HOOK3: variants seen among roughly 807,000 people sequenced by gnomAD.
HOOK3 encodes the protein hook microtubule tethering protein 3, also known as protein Hook homolog 3.
Under a neutral mutation model 116.3 loss-of-function variants are expected in HOOK3, and 24 were observed. The observed-to-expected ratio is 0.21, with a 90% confidence interval of 0.15 to 0.29. The LOEUF (loss-of-function observed/expected upper bound fraction) is 0.29, where lower values mean the gene tolerates loss of function less well. Among genes scored for constraint, HOOK3 ranks in the 10% least tolerant of loss-of-function variants. The pLI is 1.00. For synonymous variants in HOOK3, 275 were observed against 283.0 expected (o/e 0.97, Z 0.28); for missense variants, 632 against 830.2 (o/e 0.76, Z 2.93).
At chr8:42,973,179 A>T in intron 11 of HOOK3, 110 bp from the exon 12 acceptor site, 1 of 1,204,630 alleles carries the variant, frequency 8.3e-7, no homozygotes, top group East Asian at 2.5e-5. Flanking sequence ...GATCATATGC[A>T]TTTGAGTACT....
At chr8:42,939,404 C>G (rs1808048958) in intron 4 of HOOK3, among the ~76,000 whole-genome samples, 1 of 148,492 alleles carries the variant, frequency 6.7e-6, no homozygotes, top group South Asian at 2.1e-4. Context: ...GGCTGACCCC[C>G]CTACCTCCCT....
intron 6 of HOOK3, among the ~76,000 whole-genome samples, chr8:42,953,533 C>A (rs928573302): frequency 6.6e-6 from 1 of 150,960 alleles, no homozygotes; most frequent in Non-Finnish European, 1.5e-5. Context: ...CACTGCACTC[C>A]AGCCTGGGTG....
At chr8:42,925,689 A>AT (rs34821062) in intron 3 of HOOK3, 60 bp downstream of exon 3, 139,005 of 1,102,774 alleles carry the variant, frequency 0.13, 7,905 homozygotes, top group Middle Eastern at 0.16. Context: ...ATATCTGTTG[A>AT]TTTTTTTTTG....
At chr8:42,983,171 A>G (rs1187401007) in intron 14 of HOOK3, among the ~76,000 whole-genome samples, 1 of 151,940 alleles carries the variant, frequency 6.6e-6, no homozygotes, top group Non-Finnish European at 1.5e-5. Context: ...TGTCTCTACA[A>G]AAAATACAAA....
chr8:42,903,497 A>G (rs1463125542), intron 1 of HOOK3, among the ~76,000 whole-genome samples: 1 of 150,608 alleles, frequency 6.6e-6, no homozygotes, highest in Non-Finnish European at 1.5e-5. Context: ...GGCGCCCGCC[A>G]CAGCGCCCGA....
chr8:43,027,371 T>G lies in HOOK3; in HGVS notation c.*8873T>G, dbSNP rs1809950716. On this transcript the variant is annotated 3_prime_UTR_variant, in exon 22 of 22. Coordinates refer to ENST00000307602, the MANE Select transcript of HOOK3 (RefSeq NM_032410.4). Reference sequence around the variant, plus strand: ...GTTACATAAATATGGACACAATTACTGCCAAAGAATAGAGAGATTTGCTTA... The same window carrying G: ...GTTACATAAATATGGACACAATTACGGCCAAAGAATAGAGAGATTTGCTTA... The G allele has an allele frequency of 2.5e-6, 1 of 394,900 alleles. No individual in the cohort carries two copies. The highest frequency in any genetic ancestry group is 2.1e-5 in the African/African-American group (1 of 47,492). The allele number at this position is 394,900 out of a possible 1,614,324, so 24.5% of individuals were successfully genotyped here.
At chr8:42,988,411 C>T (rs1049562272) in intron 15 of HOOK3, among the ~76,000 whole-genome samples, 2 of 152,188 alleles carry the variant, frequency 1.3e-5, no homozygotes, top group African/African-American at 4.8e-5. Flanking sequence ...TTTCTTCATA[C>T]TGCTTTGTGT....
chr8:42,998,904 C>G (rs569463504), intron 16 of HOOK3, among the ~76,000 whole-genome samples: 3 of 152,228 alleles, frequency 2.0e-5, no homozygotes, highest in African/African-American at 7.2e-5. Flanking sequence ...TATTATTAAG[C>G]CTAATTAAGT....
At chr8:42,974,391 A>G (rs1381510862) in intron 13 of HOOK3, among the ~76,000 whole-genome samples, 197 bp downstream of exon 13, 1 of 151,984 alleles carries the variant, frequency 6.6e-6, no homozygotes, top group African/African-American at 2.4e-5. Flanking sequence ...CAGCCACACC[A>G]CCACGCCCAG....
At chr8:42,989,433 T>C (rs141788564) in intron 15 of HOOK3, among the ~76,000 whole-genome samples, 1 of 152,352 alleles carries the variant, frequency 6.6e-6, no homozygotes, top group East Asian at 1.9e-4. Context: ...ATTATAATCC[T>C]CATTTATTTT....
At chr8:42,931,396 T>TGTC (rs1426279855) in intron 4 of HOOK3, among the ~76,000 whole-genome samples, 1 of 151,808 alleles carries the variant, frequency 6.6e-6, no homozygotes, top group African/African-American at 2.4e-5. Flanking sequence ...TTTATTTGGT[T>TGTC]GTCTCACCCC....
rs777110416 is a variant in HOOK3, at chr8:42,977,962, A to G, written c.1321+3768A>G. On this transcript the variant is annotated intron_variant, in intron 13 of 21. Transcript: ENST00000307602. ...TTTAAAAAGAAAACTGGTGTGTACT[A>G]TCATAAACATTGAATACCATCATAA... 1.4e-4 allele frequency among the ~76,000 whole-genome samples: 22 copies of G among 152,206 alleles called. 1 individual carries two copies. The highest frequency in any genetic ancestry group is 2.6e-4 in the Admixed American group (4 of 15,280).
At chr8:43,011,442 T>A (rs1412288841) in intron 19 of HOOK3, among the ~76,000 whole-genome samples, 1 of 150,846 alleles carries the variant, frequency 6.6e-6, no homozygotes, top group African/African-American at 2.5e-5. Flanking sequence ...CCCAAATAAG[T>A]AACAGCATGT....
intron 1 of HOOK3, among the ~76,000 whole-genome samples, chr8:42,898,608 C>T (rs1316463727): frequency 6.6e-6 from 1 of 152,152 alleles, no homozygotes; most frequent in Admixed American, 6.5e-5. Flanking sequence ...GTTTTTGAGA[C>T]TGTGCAAGTA....
In HOOK3 at chr8:42,898,017, A is replaced by G. The variant is rs1308004895; in HGVS notation, c.57+829A>G. On this transcript the variant is annotated intron_variant, in intron 1 of 21. Transcript: ENST00000307602. ...TCACTCATTGCTGAGAATGTTAATT[A>G]AATGTTTACGGATGTGTTTATGAAG... 2.0e-5 allele frequency among the ~76,000 whole-genome samples: 3 copies of G among 152,236 alleles called. No homozygotes were observed. The East Asian group carries it at 5.8e-4, about 29-fold the overall frequency.
chr8:42,904,486 T>C (rs1385690776), intron 1 of HOOK3, among the ~76,000 whole-genome samples: 1 of 152,030 alleles, frequency 6.6e-6, no homozygotes, highest in Non-Finnish European at 1.5e-5. Context: ...ATTTTTTGTA[T>C]TTTTAGTGAA....
At chr8:42,922,920 C>T (rs1368570150) in intron 2 of HOOK3, among the ~76,000 whole-genome samples, 1 of 151,694 alleles carries the variant, frequency 6.6e-6, no homozygotes, top group Admixed American at 6.6e-5. Flanking sequence ...GAAAACCAGC[C>T]TACAAAATGG....
intron 14 of HOOK3, among the ~76,000 whole-genome samples, chr8:42,985,577 T>A (rs1489017514): frequency 6.6e-6 from 1 of 152,134 alleles, no homozygotes; most frequent in African/African-American, 2.4e-5. Flanking sequence ...TTTTCATTTG[T>A]CTTCTTTTCC....
chr8:43,021,114 A>G lies in HOOK3; in HGVS notation c.*2616A>G, dbSNP rs1458832704. ...GAAACTCTGTCGCAAGAAAAAAAAA[A>G]AAAAAAAAAAAAAAAAAAACAGTCT... On this transcript the variant is annotated 3_prime_UTR_variant, in exon 22 of 22. Coordinates refer to ENST00000307602, the MANE Select transcript of HOOK3 (RefSeq NM_032410.4). The G allele has an allele frequency of 1.1e-5, 2 of 188,236 alleles. No homozygotes were observed. Among genetic ancestry groups the G allele is most frequent in the Admixed American group, 1.2e-4 (2 of 16,070 alleles). 11.7% of individuals were successfully genotyped at this position (188,236 alleles called of 1,614,324 possible).
Sources: gnomAD v4.1 joint callset for allele counts (sites outside exome capture counted in the v4.1 genomes callset) on GRCh38, gnomAD v4.1.1 for gene constraint, MANE v1.5 for transcripts, NCBI Gene and HGNC (gene_info 2026-07-23, HGNC 2026-07-21) for gene names.